CDH13: variants seen among roughly 807,000 people sequenced by gnomAD.
CDH13 encodes cadherin 13.
A neutral mutation model predicts 63.8 loss-of-function variants in CDH13; 24 were observed. The ratio of observed to expected loss-of-function variants is 0.38; its 90% confidence interval spans 0.27 to 0.53. The LOEUF is 0.53. Among genes scored for constraint, CDH13 ranks in the 20% least tolerant of loss-of-function variants. CDH13 has a pLI of 0.85. For missense variants in CDH13, 1,049 were observed against 903.1 expected (o/e 1.16, Z -2.07); for synonymous variants, 503 against 355.3 (o/e 1.42, Z -4.67).
chr16:82,910,622 C>G (rs55928296), intron 2 of CDH13, among the ~76,000 whole-genome samples: 2 of 152,144 alleles, frequency 1.3e-5, no homozygotes, highest in Admixed American at 1.3e-4. Context: ...TCGTTCTGTC[C>G]TATAAGAAGG....
At chr16:83,017,839 T>G (rs956078989) in intron 2 of CDH13, among the ~76,000 whole-genome samples, 1 of 152,158 alleles carries the variant, frequency 6.6e-6, no homozygotes, top group Non-Finnish European at 1.5e-5. Flanking sequence ...AGTGCAGAAC[T>G]AACATAAATG....
At chr16:83,069,149 T>C (rs1260744290) in intron 3 of CDH13, among the ~76,000 whole-genome samples, 2 of 152,230 alleles carry the variant, frequency 1.3e-5, no homozygotes, top group African/African-American at 2.4e-5. Context: ...TTGAATTATT[T>C]GTTTGCATCT....
At position 82,656,605 on chromosome 16, in the gene CDH13, A is replaced by G. The variant is rs370202460; in HGVS notation, c.45+29468A>G. 1.8e-3 allele frequency among the ~76,000 whole-genome samples: 272 copies of G among 152,298 alleles called. 3 individuals carry two copies. Among genetic ancestry groups the G allele is most frequent in the African/African-American group, 6.0e-3 (249 of 41,550 alleles). The stretch of plus-strand genomic sequence containing the variant: ...TTATCACTCAAAGTTCACAGTTTAC[A>G]TGAGGGTTCACTCTTGGTGCTGTAC... On this transcript the variant is annotated intron_variant, in intron 1 of 13. Coordinates refer to ENST00000567109, the MANE Select transcript of CDH13 (RefSeq NM_001257.5).
chr16:83,055,470 A>C (rs1300553726), intron 3 of CDH13, among the ~76,000 whole-genome samples: 1 of 151,966 alleles, frequency 6.6e-6, no homozygotes, highest in Admixed American at 6.6e-5. Flanking sequence ...AGAAGAAGGC[A>C]TTGTTAATAC....
intron 2 of CDH13, among the ~76,000 whole-genome samples, chr16:82,861,597 T>C (rs982627474): frequency 6.6e-6 from 1 of 152,186 alleles, no homozygotes; most frequent in African/African-American, 2.4e-5. Flanking sequence ...TTCAATGACT[T>C]ATCTTTTTCT....
In CDH13 at chr16:83,323,602, C is replaced by T. The variant is rs148684646; in HGVS notation, c.637-21260C>T. On this transcript the variant is annotated intron_variant, in intron 5 of 13. Coordinates refer to ENST00000567109, the MANE Select transcript of CDH13 (RefSeq NM_001257.5). ...GGCCAAAGACCTCTCTACCTTAAAC[C>T]TCTGGAAAAAAACAAAAACAAAAAT... is the stretch of plus-strand genomic sequence containing the variant. Among the ~76,000 whole-genome samples the T allele has an allele frequency of 4.0e-3, 603 of 152,030 alleles. 3 individuals carry two copies. The highest frequency in any genetic ancestry group is 6.4e-3 in the Non-Finnish European group (437 of 67,958).
intron 2 of CDH13, among the ~76,000 whole-genome samples, chr16:82,957,241 A>G (rs1567693642): frequency 6.6e-6 from 1 of 152,166 alleles, no homozygotes; most frequent in East Asian, 1.9e-4. Flanking sequence ...ATATGACTAA[A>G]TCTAGCTGCA....
chr16:83,536,881 A>C (rs1420026384), intron 7 of CDH13, among the ~76,000 whole-genome samples: 3 of 152,190 alleles, frequency 2.0e-5, no homozygotes, highest in African/African-American at 7.2e-5. Flanking sequence ...GGCCAGGATA[A>C]CACCAGCATT....
intron 4 of CDH13, among the ~76,000 whole-genome samples, chr16:83,148,686 G>T (rs748156367): frequency 3.3e-5 from 5 of 152,154 alleles, no homozygotes; most frequent in Admixed American, 6.5e-5. Flanking sequence ...TTATTATTAT[G>T]AATATCTAAT....
chr16:83,429,399 AG>A (rs769228537), intron 6 of CDH13, among the ~76,000 whole-genome samples: 1 of 152,172 alleles, frequency 6.6e-6, no homozygotes, highest in Non-Finnish European at 1.5e-5. Flanking sequence ...GGAAAGGGTT[AG>A]AACCTTCAGT....
At chr16:82,725,768 A>T (rs905539480) in intron 1 of CDH13, among the ~76,000 whole-genome samples, 1 of 152,168 alleles carries the variant, frequency 6.6e-6, no homozygotes, top group African/African-American at 2.4e-5. Context: ...TCTCTGAGAA[A>T]TGTTCTTTTT....
At chr16:83,244,850 C>T (rs1297311626) in intron 5 of CDH13, among the ~76,000 whole-genome samples, 1 of 152,120 alleles carries the variant, frequency 6.6e-6, no homozygotes, top group East Asian at 1.9e-4. Context: ...AGACTTACTG[C>T]CCAGAGTTTT....
intron 5 of CDH13, among the ~76,000 whole-genome samples, chr16:83,273,909 C>T (rs1215936972): frequency 6.6e-6 from 1 of 152,170 alleles, no homozygotes; most frequent in Non-Finnish European, 1.5e-5. Flanking sequence ...TCTAGCCTCA[C>T]ATGCAGGACC....
At chr16:82,751,584 C>T (rs1471082023) in intron 1 of CDH13, among the ~76,000 whole-genome samples, 1 of 151,980 alleles carries the variant, frequency 6.6e-6, no homozygotes, top group African/African-American at 2.4e-5. Flanking sequence ...AGGACAGAGC[C>T]CCAGGTTCCT....
At chr16:82,735,796 C>T (rs1037880776) in intron 1 of CDH13, among the ~76,000 whole-genome samples, 1 of 152,202 alleles carries the variant, frequency 6.6e-6, no homozygotes, top group Non-Finnish European at 1.5e-5. Context: ...CAAAGAAAAG[C>T]TATTTGCTGG....
chr16:83,384,522 C>G (rs1008269129), intron 6 of CDH13, among the ~76,000 whole-genome samples: 14 of 152,208 alleles, frequency 9.2e-5, no homozygotes, highest in African/African-American at 3.4e-4. Context: ...TGAGCTGCCC[C>G]AAGGGCATAG....
intron 7 of CDH13, among the ~76,000 whole-genome samples, chr16:83,552,938 G>C (rs2075533828): frequency 6.6e-6 from 1 of 152,070 alleles, no homozygotes; most frequent in African/African-American, 2.4e-5. Flanking sequence ...AATTAGCCGG[G>C]AGTGGTGGCA....
At chr16:83,099,698 A>G (rs1308647220) in intron 3 of CDH13, among the ~76,000 whole-genome samples, 1 of 151,036 alleles carries the variant, frequency 6.6e-6, no homozygotes, top group Non-Finnish European at 1.5e-5. Context: ...TTTAACTTTG[A>G]ACCATTCTTT....
At chr16:83,447,181 G>A (rs376282718) in intron 6 of CDH13, among the ~76,000 whole-genome samples, 2 of 138,936 alleles carry the variant, frequency 1.4e-5, no homozygotes, top group Admixed American at 8.0e-5. Flanking sequence ...TTGGGAGGGC[G>A]AGGCAGATGG....
Sources: allele counts gnomAD v4.1 joint callset (sites outside exome capture counted in the v4.1 genomes callset), GRCh38; gene constraint gnomAD v4.1.1; transcripts MANE v1.5; gene names NCBI Gene and HGNC (gene_info 2026-07-23, HGNC 2026-07-21).